The following SRGAP2C variants were observed in gnomAD, a reference collection of about 807,000 sequenced individuals.
SRGAP2C encodes the protein SLIT-ROBO Rho GTPase-activating protein 2C.
SRGAP2C carries 15 observed loss-of-function variants against 25.1 expected under a neutral mutation model. The observed-to-expected ratio is 0.60, with a 90% confidence interval of 0.40 to 0.92. The LOEUF is 0.92. SRGAP2C is among the 40% of genes least tolerant of loss of function. SRGAP2C has a pLI of 0.00. For synonymous variants in SRGAP2C, 44 were observed against 96.6 expected (o/e 0.46, Z 3.19); for missense variants, 144 against 264.4 (o/e 0.54, Z 3.16).
chr1:121,216,102 G>T (rs1180110009), intron 2 of SRGAP2C, among the ~76,000 whole-genome samples: 2 of 152,166 alleles, frequency 1.3e-5, no homozygotes, highest in East Asian at 3.9e-4. Flanking sequence ...CAGCAAAGCT[G>T]GGTACCTGAA....
At chr1:121,236,634 G>C (rs1256422520) in intron 2 of SRGAP2C, among the ~76,000 whole-genome samples, 1 of 151,992 alleles carries the variant, frequency 6.6e-6, no homozygotes, top group Non-Finnish European at 1.5e-5. Context: ...CTGCTTCCTG[G>C]GTTCTAAAGA....
intron 3 of SRGAP2C, among the ~76,000 whole-genome samples, chr1:121,308,303 A>T (rs1340031834): frequency 2.7e-5 from 4 of 148,032 alleles, no homozygotes; most frequent in Admixed American, 2.0e-4. Context: ...CTTGGTCTAG[A>T]CTCTAGACCA....
intron 2 of SRGAP2C, among the ~76,000 whole-genome samples, chr1:121,192,172 A>G (rs1378878656): frequency 6.6e-6 from 1 of 151,256 alleles, no homozygotes; most frequent in South Asian, 2.1e-4. Context: ...ATTCATGCCA[A>G]CAAAGGTCTT....
At chr1:121,211,416 T>C (rs371053766) in intron 2 of SRGAP2C, among the ~76,000 whole-genome samples, 143 of 130,164 alleles carry the variant, frequency 1.1e-3, no homozygotes, top group African/African-American at 1.9e-3. Flanking sequence ...TATATACACA[T>C]ACACACACAC....
intron 7 of SRGAP2C, 55 bp downstream of exon 7, chr1:121,375,009 T>C: frequency 1.3e-6 from 1 of 748,232 alleles, no homozygotes; most frequent in East Asian, 2.5e-5. Flanking sequence ...TTCAGAATAC[T>C]CGTCAGACAT....
chr1:121,211,408 T>A, intron 2 of SRGAP2C, among the ~76,000 whole-genome samples: 1 of 117,364 alleles, frequency 8.5e-6, no homozygotes, highest in South Asian at 2.9e-4. Flanking sequence ...GAGATATATA[T>A]ATACACATAC....
At chr1:121,375,995 G>A (rs377139438) in intron 7 of SRGAP2C, among the ~76,000 whole-genome samples, 19 of 149,878 alleles carry the variant, frequency 1.3e-4, no homozygotes, top group African/African-American at 3.0e-4. Flanking sequence ...AGGGGCAAGC[G>A]CAGAGATAAG....
At chr1:121,266,347 GA>G (rs1430105644) in intron 2 of SRGAP2C, among the ~76,000 whole-genome samples, 2 of 149,834 alleles carry the variant, frequency 1.3e-5, no homozygotes, top group Non-Finnish European at 3.0e-5. Flanking sequence ...TAAGAGCAGT[GA>G]AAAACTGTAG....
chr1:121,295,724 C>CT (rs1368485223), intron 3 of SRGAP2C, among the ~76,000 whole-genome samples: 1 of 150,468 alleles, frequency 6.6e-6, no homozygotes. Flanking sequence ...TAGAGAGGGG[C>CT]TTTTTTGTTT....
chr1:121,235,177 G>A (rs1401858742), intron 2 of SRGAP2C, among the ~76,000 whole-genome samples: 4 of 141,368 alleles, frequency 2.8e-5, no homozygotes, highest in South Asian at 2.3e-4. Flanking sequence ...ACAGGCGCCC[G>A]CCACCAGGCC....
chr1:121,322,986 C>T (rs1658242578), intron 3 of SRGAP2C, among the ~76,000 whole-genome samples: 1 of 151,896 alleles, frequency 6.6e-6, no homozygotes, highest in East Asian at 1.9e-4. Context: ...ACTCGCTTTG[C>T]AGTTATAGGC....
intron 3 of SRGAP2C, among the ~76,000 whole-genome samples, chr1:121,315,566 G>T (rs1322380769): frequency 1.3e-5 from 2 of 151,512 alleles, no homozygotes; most frequent in Admixed American, 1.3e-4. Flanking sequence ...GCCCTTTAAA[G>T]TTTTGCCAGT....
chr1:121,308,751 C>A (rs1657908868), intron 3 of SRGAP2C, among the ~76,000 whole-genome samples: 1 of 149,102 alleles, frequency 6.7e-6, no homozygotes, highest in Admixed American at 6.7e-5. Context: ...CCAGCCTGAC[C>A]AACATGGAGA....
At chr1:121,206,170 T>C (rs1655102670) in intron 2 of SRGAP2C, among the ~76,000 whole-genome samples, 1 of 151,642 alleles carries the variant, frequency 6.6e-6, no homozygotes, top group Non-Finnish European at 1.5e-5. Flanking sequence ...CCTAATACAA[T>C]GATGGTTTTA....
At chr1:121,308,813 C>T (rs1553339760) in intron 3 of SRGAP2C, among the ~76,000 whole-genome samples, 22 of 147,540 alleles carry the variant, frequency 1.5e-4, no homozygotes, top group South Asian at 9.0e-4. Context: ...GTGGCACATG[C>T]CTGTAATCCC....
In SRGAP2C at chr1:121,374,862, A is replaced by G. The variant is rs782152114; in HGVS notation, c.739A>G (p.Ile247Val). Residue 247 changes from isoleucine to valine, a missense_variant, in exon 7 of 10, where the codon ATC (isoleucine) becomes GTC (valine). By Grantham distance (29) the Ile-to-Val change is conservative (BLOSUM62 3). Around this residue, in one of 5 missense-constraint regions of SRGAP2C, gnomAD observed 34 missense variants for 23.0 expected, o/e 1.48. Coordinates refer to ENST00000367123, the MANE Select transcript of SRGAP2C (RefSeq NM_001329984.2). ...AKYTENKLKA[I>V]KAQNEYLLAL... ...GTACACGGAGAATAAGCTGAAGGCC[A>G]TCAAAGCCCAGAATGAGTACTTGCT... is the stretch of plus-strand genomic sequence containing the variant. 6.4e-6 allele frequency: 5 copies of G among 778,438 alleles called. No individual in the cohort carries two copies. Among genetic ancestry groups the G allele is most frequent in the Non-Finnish European group, 1.2e-5 (5 of 416,868 alleles). The allele number at this position is 778,438 out of a possible 1,614,324, so 48.2% of individuals were successfully genotyped here.
rs1415948698 is a variant in SRGAP2C, at chr1:121,364,323, TC to T, written c.424-969del. Among the ~76,000 whole-genome samples the T allele has an allele frequency of 2.6e-4, 36 of 136,016 alleles. No individual in the cohort carries two copies. The South Asian group carries it at 5.9e-3, about 22-fold the overall frequency. 89.2% of individuals were successfully genotyped at this position (136,016 alleles called of 152,430 possible). ...TCCTTTCTTTCCTTTTCTTTTCTTT[TC>T]TTTTTTTTGAGACAGAGTCTCACTC... is the stretch of plus-strand genomic sequence containing the variant. On this transcript the variant is annotated intron_variant, in intron 4 of 9. Coordinates refer to ENST00000367123, the MANE Select transcript of SRGAP2C (RefSeq NM_001329984.2).
chr1:121,359,830 T>G (rs587615688), intron 4 of SRGAP2C, among the ~76,000 whole-genome samples: 2 of 152,360 alleles, frequency 1.3e-5, no homozygotes, highest in African/African-American at 4.8e-5. Flanking sequence ...AATATCATAG[T>G]GGACAGCACA....
chr1:121,362,714 C>A (rs1570810000), intron 4 of SRGAP2C: 1 of 150,946 alleles, frequency 6.6e-6, no homozygotes, highest in East Asian at 2.0e-4. Context: ...CTGTTGCTGA[C>A]TCTGGGGCTC....
Sources: gnomAD v4.1 joint callset for allele counts (sites outside exome capture counted in the v4.1 genomes callset) on GRCh38, gnomAD v4.1.1 for gene constraint, gnomAD v4.1.1 regional missense constraint, MANE v1.5 for transcripts, NCBI Gene and HGNC (gene_info 2026-07-23, HGNC 2026-07-21) for gene names.